C10orf90: variants seen among roughly 807,000 people sequenced by gnomAD.
The protein encoded by C10orf90 is chromosome 10 open reading frame 90, also known as (E2-independent) E3 ubiquitin-conjugating enzyme FATS.
C10orf90 carries 56 observed loss-of-function variants against 62.5 expected under a neutral mutation model. That is an observed-to-expected ratio of 0.90 (90% CI 0.72 to 1.12). The LOEUF is 1.12. Ranked by LOEUF, C10orf90 falls within the 50% of genes most tolerant of loss-of-function variation. The probability of loss-of-function intolerance (pLI) is 0.00; values close to 1 mark genes in which losing one functional copy is unlikely to be tolerated. For synonymous variants in C10orf90, 386 were observed against 340.4 expected, an observed-to-expected ratio of 1.13 and a Z score of -1.47; for missense variants, 970 against 880.4, an observed-to-expected ratio of 1.10 and a Z score of -1.29.
intron 4 of C10orf90, among the ~76,000 whole-genome samples, chr10:126,474,106 C>T (rs771496323): frequency 5.9e-5 from 9 of 152,140 alleles, no homozygotes; most frequent in Non-Finnish European, 4.4e-5. Context: ...CCACTGAATC[C>T]GAATCTGCAT....
intron 1 of C10orf90, among the ~76,000 whole-genome samples, chr10:126,650,328 G>A (rs1846265986): frequency 6.6e-6 from 1 of 152,102 alleles, no homozygotes; most frequent in Non-Finnish European, 1.5e-5. Flanking sequence ...GCCACACAAT[G>A]GGAAAAAAGA....
Position 126,465,682 on chromosome 10 carries a change from C to T in C10orf90, c.1535-696G>A, listed in dbSNP as rs150402488. On this transcript the variant is annotated intron_variant, in intron 4 of 9. Coordinates refer to ENST00000488181, the MANE Select transcript of C10orf90 (RefSeq NM_001350921.2). ...TCTAATAAAGCAGTGGGTTTAAAGA[C>T]GTGTACAACATGTCACTTGTTTCCA... Among the ~76,000 whole-genome samples, 380 of 152,242 alleles carry T rather than the reference C, an allele frequency of 2.5e-3. 3 individuals carry two copies. Among genetic ancestry groups the T allele is most frequent in the African/African-American group, 8.3e-3 (346 of 41,530 alleles).
At chr10:126,526,063 A>ACAC (rs1266531514) in intron 2 of C10orf90, among the ~76,000 whole-genome samples, 3 of 93,282 alleles carry the variant, frequency 3.2e-5, no homozygotes, top group South Asian at 3.3e-4. Flanking sequence ...CACACACACA[A>ACAC]AAGAAGCAGA....
intron 4 of C10orf90, among the ~76,000 whole-genome samples, chr10:126,466,178 G>T (rs1860273832): frequency 6.6e-6 from 1 of 152,120 alleles, no homozygotes; most frequent in South Asian, 2.1e-4. Flanking sequence ...ATTGCTGCCA[G>T]TGGGAATGCG....
At chr10:126,627,997 G>A (rs749169256) in intron 2 of C10orf90, among the ~76,000 whole-genome samples, 3 of 152,162 alleles carry the variant, frequency 2.0e-5, no homozygotes, top group South Asian at 2.1e-4. Flanking sequence ...TTTTAATCTC[G>A]AAAGAGCAAG....
chr10:126,570,337 T>C lies in C10orf90; in HGVS notation c.314-56398A>G, dbSNP rs77726421. Among the ~76,000 whole-genome samples the C allele has an allele frequency of 4.6e-3, 708 of 152,340 alleles. 5 individuals carry two copies. Among genetic ancestry groups the C allele is most frequent in the African/African-American group, 0.016 (651 of 41,574 alleles). ...TTTACGCACTGCCTAACTTTCTTCC[T>C]TTAACTTCCCACCAAGCCAGTGTGC... On this transcript the variant is annotated intron_variant, in intron 2 of 9. Coordinates refer to ENST00000488181, the MANE Select transcript of C10orf90 (RefSeq NM_001350921.2).
intron 2 of C10orf90, among the ~76,000 whole-genome samples, chr10:126,593,167 C>T (rs72839059): frequency 0.043 from 6,593 of 152,138 alleles, 223 homozygotes; most frequent in East Asian, 0.11. Context: ...GCCATTTGAC[C>T]CAGCAATCCT....
intron 2 of C10orf90, among the ~76,000 whole-genome samples, chr10:126,638,152 CT>C (rs1845989591): frequency 2.0e-5 from 3 of 152,272 alleles, no homozygotes; most frequent in South Asian, 4.1e-4. Context: ...CTGGGCCCCC[CT>C]GCCTCCCTAG....
At chr10:126,434,402 C>G (rs1857784183) in intron 7 of C10orf90, among the ~76,000 whole-genome samples, 1 of 152,170 alleles carries the variant, frequency 6.6e-6, no homozygotes, top group Admixed American at 6.5e-5. Context: ...ATCTACAGCT[C>G]TGATTGCAAA....
intron 2 of C10orf90, among the ~76,000 whole-genome samples, chr10:126,559,581 C>CGGAG (rs1402132270): frequency 6.6e-6 from 1 of 152,178 alleles, no homozygotes; most frequent in African/African-American, 2.4e-5. Context: ...AACCCCTGAC[C>CGGAG]CTCCCTCCTC....
At position 126,461,414 on chromosome 10, in the gene C10orf90, G is replaced by A; in HGVS notation, c.1997C>T (p.Ser666Phe). ...AGAAGGCCTTACTTGCAAGGTCAAA[G>A]ATCTTGCAGGCGTTTGCTGAGACTC... ...CSESQQTPAR[S>F]LTLQEALEVR... Residue 666 changes from serine to phenylalanine, a missense_variant, in exon 6 of 10, where the codon TCT (serine) becomes TTT (phenylalanine). By Grantham distance (155) the Ser-to-Phe change is radical (BLOSUM62 -2). Coordinates refer to ENST00000488181, the MANE Select transcript of C10orf90 (RefSeq NM_001350921.2). The A allele has an allele frequency of 6.2e-7, 1 of 1,614,078 alleles. No homozygotes were observed. The highest frequency in any genetic ancestry group is 8.5e-7 in the Non-Finnish European group (1 of 1,179,956).
chr10:126,586,667 G>T (rs867253098), intron 2 of C10orf90, among the ~76,000 whole-genome samples: 68 of 152,240 alleles, frequency 4.5e-4, no homozygotes, highest in African/African-American at 1.5e-3. Flanking sequence ...TTAGGAAAAA[G>T]AAGTGCCGGA....
chr10:126,585,325 G>A (rs544547183), intron 2 of C10orf90, among the ~76,000 whole-genome samples: 1 of 73,204 alleles, frequency 1.4e-5, no homozygotes, highest in East Asian at 3.9e-4. Flanking sequence ...AGGGGAGGAA[G>A]AGAGGGAGAG....
intron 2 of C10orf90, among the ~76,000 whole-genome samples, chr10:126,613,880 T>C (rs1334027962): frequency 1.3e-5 from 2 of 152,098 alleles, no homozygotes; most frequent in South Asian, 2.1e-4. Flanking sequence ...CTGGAAGAAG[T>C]GGCTGGTTGT....
chr10:126,660,827 T>C (rs530538478), intron 1 of C10orf90, among the ~76,000 whole-genome samples: 59 of 152,356 alleles, frequency 3.9e-4, no homozygotes, highest in African/African-American at 1.4e-3. Context: ...TGCCTTAAAT[T>C]GATATCATCT....
chr10:126,526,267 C>T (rs1423667903), intron 2 of C10orf90, among the ~76,000 whole-genome samples: 1 of 144,912 alleles, frequency 6.9e-6, no homozygotes. Flanking sequence ...TTTTTTGAGA[C>T]TCAGTCTCAC....
At chr10:126,636,650 T>G (rs930711720) in intron 2 of C10orf90, among the ~76,000 whole-genome samples, 1 of 152,212 alleles carries the variant, frequency 6.6e-6, no homozygotes, top group East Asian at 1.9e-4. Flanking sequence ...AACATGACCA[T>G]TATATTAAAT....
intron 2 of C10orf90, among the ~76,000 whole-genome samples, chr10:126,565,189 A>T (rs866337928): frequency 1.2e-3 from 32 of 27,234 alleles, no homozygotes; most frequent in African/African-American, 2.2e-3. Flanking sequence ...GTAATATAAT[A>T]TTTATATTAC....
intron 7 of C10orf90, among the ~76,000 whole-genome samples, chr10:126,448,389 C>T (rs1459309253): frequency 5.3e-5 from 8 of 151,790 alleles, no homozygotes; most frequent in African/African-American, 1.5e-4. Context: ...CAGTTCTAAG[C>T]GTGAAGTTTA....
Sources: gnomAD v4.1 joint callset for allele counts (sites outside exome capture counted in the v4.1 genomes callset) on GRCh38, gnomAD v4.1.1 for gene constraint, MANE v1.5 for transcripts, NCBI Gene and HGNC (gene_info 2026-07-23, HGNC 2026-07-21) for gene names.